The following PREP variants were observed in gnomAD, a reference collection of about 807,000 sequenced individuals.
PREP encodes dJ355L5.1 (prolyl endopeptidase).
A neutral mutation model predicts 87.6 loss-of-function variants in PREP; 29 were observed. That is an observed-to-expected ratio of 0.33 (90% confidence interval 0.25 to 0.45). The LOEUF (loss-of-function observed/expected upper bound fraction) is 0.45. Ranked by LOEUF, PREP falls within the 20% of genes least tolerant of loss-of-function variation. The probability of loss-of-function intolerance (pLI) is 1.00; values close to 1 mark genes in which losing one functional copy is unlikely to be tolerated. For synonymous variants in PREP, 337 were observed against 328.6 expected, an observed-to-expected ratio of 1.03 and a Z score of -0.28; for missense variants, 695 against 886.5, an observed-to-expected ratio of 0.78 and a Z score of 2.74.
At position 105,273,675 on chromosome 6, in the gene PREP, C is replaced by T. The variant is rs1387108406; in HGVS notation, c.*4469G>A. 6.6e-6 allele frequency: 1 copy of T among 152,294 alleles called. No individual in the cohort carries two copies. Among genetic ancestry groups the T allele is most frequent in the Non-Finnish European group, 1.5e-5 (1 of 68,108 alleles). The allele number at this position is 152,294 out of a possible 1,614,324, so 9.4% of individuals were successfully genotyped here. On this transcript the variant is annotated 3_prime_UTR_variant, in exon 15 of 15. Transcript: ENST00000652536. ...CTTTGAATAACCACCCCGCTTTTCC[C>T]TAGGCTCTCCTGCTGTCAGTTTCCC...
chr6:105,310,601 C>A (rs1770741112), intron 10 of PREP, among the ~76,000 whole-genome samples: 1 of 152,158 alleles, frequency 6.6e-6, no homozygotes, highest in Admixed American at 6.5e-5. Flanking sequence ...TCTGTTGGTT[C>A]AGCTCTCACC....
At chr6:105,324,203 A>G (rs1771087873) in intron 9 of PREP, among the ~76,000 whole-genome samples, 1 of 152,126 alleles carries the variant, frequency 6.6e-6, no homozygotes, top group African/African-American at 2.4e-5. Flanking sequence ...AACTCAAGTG[A>G]TTTGCCCAGG....
intron 7 of PREP, among the ~76,000 whole-genome samples, chr6:105,348,619 C>T (rs562668388): frequency 2.0e-4 from 31 of 152,292 alleles, no homozygotes; most frequent in African/African-American, 5.8e-4. Flanking sequence ...CAGTGGCTCA[C>T]GCCTGTAATC....
chr6:105,278,156 G>A lies in PREP; in HGVS notation c.2121C>T (p.Asp707=), dbSNP rs1180140722. 1.2e-6 allele frequency: 2 copies of A among 1,609,502 alleles called. No individual in the cohort carries two copies. Among genetic ancestry groups the A allele is most frequent in the Admixed American group, 3.3e-5 (2 of 59,934 alleles). ...GCACGAAAACTGTTTATGGAATCCA[G>A]TCGACGTTCAGGCACCGCGCGATGA... ...FAFIARCLNV[D]WIP is the part of the protein sequence containing the mutation. Residue 707 remains aspartate, a synonymous_variant, in exon 15 of 15, where the codon GAC becomes GAT. Coordinates refer to ENST00000652536, the MANE Select transcript of PREP (RefSeq NM_002726.5). The surrounding 1 kb of genome is among the most constrained non-coding windows in gnomAD (Gnocchi z 4.2).
Position 105,278,107 on chromosome 6 carries a change from G to A in PREP, c.*37C>T. ...GTGTCAACGTGGGAAAGCCCTTGAG[G>A]TTTTCTGTCGCTGTCAGGAGGAAGC... On this transcript the variant is annotated 3_prime_UTR_variant, in exon 15 of 15. Coordinates refer to ENST00000652536, the MANE Select transcript of PREP (RefSeq NM_002726.5). The surrounding 1 kb of genome is among the most constrained non-coding windows in gnomAD (Gnocchi z 4.2). 1 of 1,581,134 alleles carries A rather than the reference G, an allele frequency of 6.3e-7. No individual in the cohort carries two copies. The highest frequency in any genetic ancestry group is 1.2e-5 in the South Asian group (1 of 85,850).
At chr6:105,313,173 C>T (rs1770794324) in intron 10 of PREP, among the ~76,000 whole-genome samples, 2 of 152,164 alleles carry the variant, frequency 1.3e-5, no homozygotes, top group Non-Finnish European at 2.9e-5. Context: ...AAATTTTTTC[C>T]TCCCTCCTTC....
At chr6:105,346,650 T>C (rs1213624429) in intron 7 of PREP, among the ~76,000 whole-genome samples, 2 of 152,198 alleles carry the variant, frequency 1.3e-5, no homozygotes, top group African/African-American at 4.8e-5. Context: ...TCCTCATAAA[T>C]GCTGTGACAT....
At chr6:105,283,078 C>CA (rs1770117198) in intron 12 of PREP, among the ~76,000 whole-genome samples, 1 of 152,230 alleles carries the variant, frequency 6.6e-6, no homozygotes, top group Non-Finnish European at 1.5e-5. Context: ...ACGCTTCCCA[C>CA]CCCACCTCTG....
chr6:105,340,751 T>C (rs1361133742), intron 7 of PREP, among the ~76,000 whole-genome samples: 1 of 152,112 alleles, frequency 6.6e-6, no homozygotes, highest in East Asian at 1.9e-4. Context: ...TAGTCTCTGA[T>C]AAAACAGACT....
chr6:105,368,831 A>G, intron 6 of PREP, 72 bp downstream of exon 6: 1 of 1,562,054 alleles, frequency 6.4e-7, no homozygotes, highest in Non-Finnish European at 8.8e-7. Context: ...AGGTCACCAC[A>G]TAATAAGAAT....
intron 6 of PREP, among the ~76,000 whole-genome samples, chr6:105,367,289 C>T (rs913638494): frequency 6.6e-6 from 1 of 152,008 alleles, no homozygotes; most frequent in African/African-American, 2.4e-5. Flanking sequence ...AGATAGAAAA[C>T]TTGGCAGAAA....
At chr6:105,370,220 A>G (rs1044857943) in intron 5 of PREP, among the ~76,000 whole-genome samples, 3 of 150,732 alleles carry the variant, frequency 2.0e-5, no homozygotes, top group African/African-American at 7.3e-5. Context: ...ACTGCACTCC[A>G]GCCTGGATAT....
chr6:105,288,507 C>T (rs1001352258), intron 11 of PREP, among the ~76,000 whole-genome samples: 11 of 152,214 alleles, frequency 7.2e-5, no homozygotes, highest in African/African-American at 2.7e-4. Context: ...GCATCCGCCA[C>T]CACGTCCAGC....
intron 2 of PREP, among the ~76,000 whole-genome samples, chr6:105,389,510 T>A (rs1019193993): frequency 6.6e-6 from 1 of 152,196 alleles, no homozygotes; most frequent in Non-Finnish European, 1.5e-5. Context: ...TATAAAGTTT[T>A]CAAAGAACAC....
intron 7 of PREP, among the ~76,000 whole-genome samples, chr6:105,340,748 T>C (rs1298843604): frequency 6.6e-6 from 1 of 152,148 alleles, no homozygotes; most frequent in African/African-American, 2.4e-5. Flanking sequence ...TCCTAGTCTC[T>C]GATAAAACAG....
At chr6:105,339,608 C>T (rs950804609) in intron 7 of PREP, among the ~76,000 whole-genome samples, 5 of 152,206 alleles carry the variant, frequency 3.3e-5, no homozygotes, top group Middle Eastern at 3.4e-3. Context: ...GGAGGATATT[C>T]GAACCCATTG....
At chr6:105,372,217 A>G (rs1162286072) in intron 5 of PREP, among the ~76,000 whole-genome samples, 1 of 152,096 alleles carries the variant, frequency 6.6e-6, no homozygotes, top group Non-Finnish European at 1.5e-5. Context: ...GGAAAAAAAA[A>G]AACAGAAAAG....
intron 10 of PREP, among the ~76,000 whole-genome samples, chr6:105,320,171 C>T (rs560649506): frequency 2.4e-4 from 36 of 152,286 alleles, no homozygotes; most frequent in African/African-American, 8.7e-4. Context: ...ATCAATATTA[C>T]GTGGTTGTAT....
chr6:105,295,520 TCA>T (rs1473161669), intron 10 of PREP, among the ~76,000 whole-genome samples: 2 of 152,118 alleles, frequency 1.3e-5, no homozygotes, highest in Admixed American at 6.5e-5. Flanking sequence ...TACCCCATAC[TCA>T]CAGCTCACCA....
Sources: gnomAD v4.1 joint callset for allele counts (sites outside exome capture counted in the v4.1 genomes callset) on GRCh38, gnomAD v4.1.1 for gene constraint, Gnocchi (gnomAD v3.1) non-coding constraint, MANE v1.5 for transcripts, NCBI Gene and HGNC (gene_info 2026-07-23, HGNC 2026-07-21) for gene names.